Variants in TAS2R60 observed in about 807,000 individuals in gnomAD.
The protein encoded by TAS2R60 is taste 2 receptor member 60, also known as taste receptor type 2 member 60.
TAS2R60 carries 16 observed loss-of-function variants against 19.5 expected under a neutral mutation model. The observed-to-expected ratio is 0.82, with a 90% CI of 0.55 to 1.24. The LOEUF (loss-of-function observed/expected upper bound fraction) is 1.24. TAS2R60 is among the 50% of genes most tolerant of loss of function. The probability of loss-of-function intolerance (pLI) is 0.00; values close to 1 mark genes in which losing one functional copy is unlikely to be tolerated. For synonymous variants in TAS2R60, 141 were observed against 143.3 expected (o/e 0.98, Z 0.11); for missense variants, 362 against 382.7 (o/e 0.95, Z 0.45).
rs1336657907 is a variant in TAS2R60 at position 143,444,154 on chromosome 7, C to T, written c.702C>T (p.Phe234=). The change falls in exon 1 of 1, where the codon TTC becomes TTT. Residue 234 remains phenylalanine, a synonymous_variant. Coordinates refer to ENST00000332690, the MANE Select transcript of TAS2R60 (RefSeq NM_177437.1). The stretch of plus-strand genomic sequence containing the variant: ...AGGCTCTCCTTACAACCTCAGGATT[C>T]CGAGAGCCCAGTGTGCAGGCACACA... ...RKKALLTTSG[F]REPSVQAHIK... 2 of 1,614,234 alleles carry T rather than the reference C, an allele frequency of 1.2e-6. No homozygotes were observed. The highest frequency in any genetic ancestry group is 2.2e-5 in the South Asian group (2 of 91,090).
In TAS2R60 at chr7:143,443,791, G is replaced by C; in HGVS notation, c.339G>C (p.Trp113Cys). 6.2e-7 allele frequency: 1 copy of C among 1,613,376 alleles called. No individual in the cohort carries two copies. The highest frequency in any genetic ancestry group is 8.5e-7 in the Non-Finnish European group (1 of 1,180,000). Residue 113 changes from tryptophan (W) to cysteine (C), a missense_variant, in exon 1 of 1, where the codon TGG becomes TGC. Coordinates refer to ENST00000332690, the MANE Select transcript of TAS2R60 (RefSeq NM_177437.1). ...CTGCCACCTTATGGTCCTCTACCTGGCTCAGTGTCTTCTATTGTGTGAAAA... is the reference window on the plus strand; with the variant it reads ...CTGCCACCTTATGGTCCTCTACCTGCCTCAGTGTCTTCTATTGTGTGAAAA... Reference protein sequence around the residue: ...LNAATLWSSTWLSVFYCVKIA... With the variant: ...LNAATLWSSTCLSVFYCVKIA...
Position 143,444,288 on chromosome 7 carries a change from G to C in TAS2R60, c.836G>C (p.Trp279Ser). Residue 279 changes from tryptophan to serine, a missense_variant, in exon 1 of 1, where the codon TGG becomes TCG. Trp to Ser is a radical substitution (Grantham distance 177). Coordinates refer to ENST00000332690, the MANE Select transcript of TAS2R60 (RefSeq NM_177437.1). ...GIFPPLDFKF[W>S]VWESVIYLCA... ...TTTCCACCTCTGGACTTTAAATTCT[G>C]GGTGTGGGAGTCAGTGATTTATCTG... 6.2e-7 allele frequency: 1 copy of C among 1,614,046 alleles called. No homozygotes were observed. Among genetic ancestry groups the C allele is most frequent in the Non-Finnish European group, 8.5e-7 (1 of 1,180,014 alleles).
Position 143,443,586 on chromosome 7 carries a change from A to C in TAS2R60, c.134A>C (p.Glu45Ala). ...TTCATCACTGCTGCTCTGGGCGTGG[A>C]GTGGGTGCTACGGAGAATGTTGTTG... ...NGFITAALGV[E>A]WVLRRMLLPC... The change falls in exon 1 of 1, where the codon GAG becomes GCG. Residue 45 changes from glutamate to alanine, a missense_variant. Coordinates refer to ENST00000332690, the MANE Select transcript of TAS2R60 (RefSeq NM_177437.1). 1 of 1,614,164 alleles carries C rather than the reference A, an allele frequency of 6.2e-7. No individual in the cohort carries two copies. Among genetic ancestry groups the C allele is most frequent in the Non-Finnish European group, 8.5e-7 (1 of 1,180,028 alleles).
rs927516038 is a variant in TAS2R60 at position 143,443,755 on chromosome 7, C to A, written c.303C>A (p.Asp101Glu). The change falls in exon 1 of 1, where the codon GAC becomes GAA. Residue 101 changes from aspartate (D) to glutamate (E), a missense_variant. Coordinates refer to ENST00000332690, the MANE Select transcript of TAS2R60 (RefSeq NM_177437.1). Reference protein sequence around the residue: ...PVLQFLAFQWDFLNAATLWSS... With the variant: ...PVLQFLAFQWEFLNAATLWSS... The stretch of plus-strand genomic sequence containing the variant: ...TGCAGTTTCTAGCTTTCCAGTGGGA[C>A]TTCCTGAATGCTGCCACCTTATGGT... The A allele has an allele frequency of 1.7e-5, 28 of 1,613,892 alleles. No individual in the cohort carries two copies. The highest frequency in any genetic ancestry group is 2.4e-5 in the Non-Finnish European group (28 of 1,180,030).
Position 143,443,791 on chromosome 7 carries a change from G to T in TAS2R60, c.339G>T (p.Trp113Cys). The change falls in exon 1 of 1, where the codon TGG (tryptophan) becomes TGT (cysteine). Residue 113 changes from tryptophan to cysteine, a missense_variant. Transcript: ENST00000332690. ...CTGCCACCTTATGGTCCTCTACCTG[G>T]CTCAGTGTCTTCTATTGTGTGAAAA... ...LNAATLWSST[W>C]LSVFYCVKIA... 2 of 1,613,376 alleles carry T rather than the reference G, an allele frequency of 1.2e-6. No homozygotes were observed. The highest frequency in any genetic ancestry group is 8.5e-7 in the Non-Finnish European group (1 of 1,180,000).
Position 143,443,578 on chromosome 7 carries a change from G to C in TAS2R60, c.126G>C (p.Leu42=). The part of the protein sequence containing the change: ...IAGNGFITAA[L]GVEWVLRRML... Reference sequence around the variant, plus strand: ...GCAATGGCTTCATCACTGCTGCTCTGGGCGTGGAGTGGGTGCTACGGAGAA... The same window carrying C: ...GCAATGGCTTCATCACTGCTGCTCTCGGCGTGGAGTGGGTGCTACGGAGAA... The change falls in exon 1 of 1, where the codon CTG becomes CTC. Residue 42 remains leucine (L), a synonymous_variant. Transcript: ENST00000332690. 6.2e-7 allele frequency: 1 copy of C among 1,614,170 alleles called. No individual in the cohort carries two copies. Among genetic ancestry groups the C allele is most frequent in the South Asian group, 1.1e-5 (1 of 91,084 alleles).
the TAS2R60 span, chr7:143,443,500 GGCCA>G: frequency 6.2e-7 from 1 of 1,613,852 alleles, no homozygotes. Flanking sequence ...CTGACAAGAA[GGCCA>G]TCATCTTGGT....
rs745601221 is a variant in TAS2R60 at position 143,444,298 on chromosome 7, G to A, written c.846G>A (p.Glu282=). Residue 282 remains glutamate (E), a synonymous_variant, in exon 1 of 1, where the codon GAG becomes GAA. Coordinates refer to ENST00000332690, the MANE Select transcript of TAS2R60 (RefSeq NM_177437.1). ...TGGACTTTAAATTCTGGGTGTGGGA[G>A]TCAGTGATTTATCTGTGTGCAGCAG... is the stretch of plus-strand genomic sequence containing the variant. ...PPLDFKFWVW[E]SVIYLCAAVH... is the part of the protein sequence containing the mutation. 1 of 1,614,038 alleles carries A rather than the reference G, an allele frequency of 6.2e-7. No individual in the cohort carries two copies. Among genetic ancestry groups the A allele is most frequent in the Non-Finnish European group, 8.5e-7 (1 of 1,180,028 alleles).
In TAS2R60 at chr7:143,443,943, A is replaced by G. The variant is rs1806409967; in HGVS notation, c.491A>G (p.His164Arg). ...FTTILFFIGN[H>R]RMYQNYLRNH... ...ACCATTCTATTTTTCATAGGCAACC[A>G]CAGAATGTATCAGAACTATTTAAGG... The change falls in exon 1 of 1, where the codon CAC becomes CGC. Residue 164 changes from histidine (H) to arginine (R), a missense_variant. Coordinates refer to ENST00000332690, the MANE Select transcript of TAS2R60 (RefSeq NM_177437.1). 3.1e-6 allele frequency: 5 copies of G among 1,614,162 alleles called. No individual in the cohort carries two copies. The highest frequency in any genetic ancestry group is 1.3e-5 in the African/African-American group (1 of 75,044).
chr7:143,444,242 G>T lies in TAS2R60; in HGVS notation c.790G>T (p.Val264Leu), dbSNP rs765663321. 3 of 1,614,146 alleles carry T rather than the reference G, an allele frequency of 1.9e-6. No homozygotes were observed. The highest frequency in any genetic ancestry group is 2.5e-6 in the Non-Finnish European group (3 of 1,180,030). ...CTTCATCTCATATTTCCTGTCACTG[G>T]TGTTCAGTGCTGCAGGTATTTTTCC... Reference protein sequence around the residue: ...MLFISYFLSLVFSAAGIFPPL... With the variant: ...MLFISYFLSLLFSAAGIFPPL... The change falls in exon 1 of 1, where the codon GTG becomes TTG. Residue 264 changes from valine to leucine, a missense_variant. By Grantham distance (32) the Val-to-Leu change is conservative. Transcript: ENST00000332690.
rs774950147 is a variant in TAS2R60 at position 143,443,842 on chromosome 7, C to T, written c.390C>T (p.Phe130=). ...VKIATFTHPV[F]FWLKHKLSGW... is the part of the protein sequence containing the mutation. ...TTGCTACCTTCACCCACCCTGTCTT[C>T]TTCTGGCTAAAGCACAAGTTGTCTG... is the stretch of plus-strand genomic sequence containing the variant. The change falls in exon 1 of 1, where the codon TTC becomes TTT. Residue 130 remains phenylalanine (F), a synonymous_variant. Coordinates refer to ENST00000332690, the MANE Select transcript of TAS2R60 (RefSeq NM_177437.1). 5 of 1,613,594 alleles carry T rather than the reference C, an allele frequency of 3.1e-6. No homozygotes were observed. Among genetic ancestry groups the T allele is most frequent in the Admixed American group, 1.7e-5 (1 of 60,022 alleles).
chr7:143,443,874 TA>T, the TAS2R60 span: 1 of 1,613,956 alleles, frequency 6.2e-7, no homozygotes, highest in Non-Finnish European at 8.5e-7. Context: ...TCTGGGTGGC[TA>T]CCATGGATGC....
At position 143,444,267 on chromosome 7, in the gene TAS2R60, C is replaced by G. The variant is rs758887139; in HGVS notation, c.815C>G (p.Pro272Arg). The change falls in exon 1 of 1, where the codon CCA becomes CGA. Residue 272 changes from proline (P) to arginine (R), a missense_variant. Coordinates refer to ENST00000332690, the MANE Select transcript of TAS2R60 (RefSeq NM_177437.1). ...GTGTTCAGTGCTGCAGGTATTTTTCCACCTCTGGACTTTAAATTCTGGGTG... is the reference window on the plus strand; with the variant it reads ...GTGTTCAGTGCTGCAGGTATTTTTCGACCTCTGGACTTTAAATTCTGGGTG... ...SLVFSAAGIF[P>R]PLDFKFWVWE... 5.6e-6 allele frequency: 9 copies of G among 1,614,012 alleles called. No homozygotes were observed. The highest frequency in any genetic ancestry group is 1.7e-5 in the Admixed American group (1 of 59,992).
chr7:143,444,384 G>T lies in TAS2R60; in HGVS notation c.932G>T (p.Arg311Leu), dbSNP rs756841152. 1 of 1,605,400 alleles carries T rather than the reference G, an allele frequency of 6.2e-7. No individual in the cohort carries two copies. The highest frequency in any genetic ancestry group is 8.5e-7 in the Non-Finnish European group (1 of 1,179,612). The change falls in exon 1 of 1, where the codon CGT becomes CTT. Residue 311 changes from arginine to leucine, a missense_variant. By Grantham distance (102) the Arg-to-Leu change is moderately radical. Transcript: ENST00000332690. The part of the protein sequence containing the change: ...CRLRAVLKSR[R>L]SSRCGTP ...CTGAGAGCTGTGCTGAAGAGTCGTC[G>T]TTCCTCAAGGTGTGGGACACCTTGA... is the stretch of plus-strand genomic sequence containing the variant.
At position 143,444,164 on chromosome 7, in the gene TAS2R60, A is replaced by C; in HGVS notation, c.712A>C (p.Ser238Arg). The C allele has an allele frequency of 1.2e-6, 2 of 1,614,238 alleles. No individual in the cohort carries two copies. Among genetic ancestry groups the C allele is most frequent in the Non-Finnish European group, 1.7e-6 (2 of 1,180,040 alleles). ...TACAACCTCAGGATTCCGAGAGCCC[A>C]GTGTGCAGGCACACATAAAGGCTCT... The part of the protein sequence containing the change: ...LLTTSGFREP[S>R]VQAHIKALLA... The change falls in exon 1 of 1, where the codon AGT becomes CGT. Residue 238 changes from serine (S) to arginine (R), a missense_variant. Coordinates refer to ENST00000332690, the MANE Select transcript of TAS2R60 (RefSeq NM_177437.1).
chr7:143,444,215 C>A lies in TAS2R60; in HGVS notation c.763C>A (p.Leu255Ile). ...GCTGGCTCTCCTCTCTTTTGCCATG[C>A]TCTTCATCTCATATTTCCTGTCACT... ...ALLALLSFAM[L>I]FISYFLSLVF... The change falls in exon 1 of 1, where the codon CTC becomes ATC. Residue 255 changes from leucine (L) to isoleucine (I), a missense_variant. Transcript: ENST00000332690. The A allele has an allele frequency of 2.5e-6, 4 of 1,614,182 alleles. No individual in the cohort carries two copies. Among genetic ancestry groups the A allele is most frequent in the African/African-American group, 1.3e-5 (1 of 75,056 alleles).
Position 143,444,156 on chromosome 7 carries a change from G to A in TAS2R60, c.704G>A (p.Arg235Gln), listed in dbSNP as rs777682450. 11 of 1,614,082 alleles carry A rather than the reference G, an allele frequency of 6.8e-6. No homozygotes were observed. The highest frequency in any genetic ancestry group is 2.7e-5 in the African/African-American group (2 of 74,928). ...KKALLTTSGF[R>Q]EPSVQAHIKA... ...GCTCTCCTTACAACCTCAGGATTCC[G>A]AGAGCCCAGTGTGCAGGCACACATA... is the stretch of plus-strand genomic sequence containing the variant. The change falls in exon 1 of 1, where the codon CGA (arginine) becomes CAA (glutamine). Residue 235 changes from arginine (R) to glutamine (Q), a missense_variant. Physicochemically the swap from Arg to Gln is conservative, Grantham distance 43. Coordinates refer to ENST00000332690, the MANE Select transcript of TAS2R60 (RefSeq NM_177437.1).
rs1742756240 is a variant in TAS2R60, at chr7:143,443,788, C to T, written c.336C>T (p.Thr112=). 2 of 1,613,676 alleles carry T rather than the reference C, an allele frequency of 1.2e-6. No homozygotes were observed. Among genetic ancestry groups the T allele is most frequent in the African/African-American group, 1.3e-5 (1 of 75,036 alleles). The part of the protein sequence containing the change: ...FLNAATLWSS[T]WLSVFYCVKI... ...ATGCTGCCACCTTATGGTCCTCTAC[C>T]TGGCTCAGTGTCTTCTATTGTGTGA... Residue 112 remains threonine (T), a synonymous_variant, in exon 1 of 1, where the codon ACC becomes ACT. Transcript: ENST00000332690.
Position 143,444,219 on chromosome 7 carries a change from T to C in TAS2R60, c.767T>C (p.Phe256Ser), listed in dbSNP as rs1806418480. The change falls in exon 1 of 1, where the codon TTC (phenylalanine) becomes TCC (serine). Residue 256 changes from phenylalanine to serine, a missense_variant. By Grantham distance (155) the Phe-to-Ser change is radical. Coordinates refer to ENST00000332690, the MANE Select transcript of TAS2R60 (RefSeq NM_177437.1). ...GCTCTCCTCTCTTTTGCCATGCTCT[T>C]CATCTCATATTTCCTGTCACTGGTG... Reference protein sequence around the residue: ...LLALLSFAMLFISYFLSLVFS... With the variant: ...LLALLSFAMLSISYFLSLVFS... 7 of 1,614,228 alleles carry C rather than the reference T, an allele frequency of 4.3e-6. No homozygotes were observed. The East Asian group carries it at 1.6e-4, about 36-fold the overall frequency.
Sources: gnomAD v4.1 joint callset for allele counts on GRCh38, gnomAD v4.1.1 for gene constraint, MANE v1.5 for transcripts, NCBI Gene and HGNC (gene_info 2026-07-23, HGNC 2026-07-21) for gene names.